The following GTPBP8 variants were observed in gnomAD, a reference collection of about 807,000 sequenced individuals.
GTPBP8 encodes GTP binding protein 8, also known as GTP-binding protein 8.
GTPBP8 carries 21 observed loss-of-function variants against 27.3 expected under a neutral mutation model. The observed-to-expected ratio is 0.77, with a 90% confidence interval of 0.55 to 1.11. GTPBP8 has a LOEUF of 1.11. Ranked by LOEUF, GTPBP8 falls within the 50% of genes least tolerant of loss-of-function variation. The probability of loss-of-function intolerance (pLI) is 0.00; values close to 1 mark genes in which losing one functional copy is unlikely to be tolerated. For missense variants in GTPBP8, 380 were observed against 350.8 expected (o/e 1.08, Z -0.67); for synonymous variants, 147 against 135.3 (o/e 1.09, Z -0.60).
rs971473511 is a variant in GTPBP8 at position 113,001,075 on chromosome 3, C to T, written c.*156C>T. The T allele has an allele frequency of 1.8e-5, 10 of 557,560 alleles. No homozygotes were observed. The Admixed American group carries it at 3.4e-4, about 19-fold the overall frequency. 34.5% of individuals were successfully genotyped at this position (557,560 alleles called of 1,614,324 possible). A position where few individuals can be genotyped will look rare whatever the true frequency, so the allele number is the denominator to read the frequency against. ...CTTTAAAACCTGTGCCTTCTCGAAACAAGAATTTGTGCCTGAGGTGAAAAA... is the reference window on the plus strand; with the variant it reads ...CTTTAAAACCTGTGCCTTCTCGAAATAAGAATTTGTGCCTGAGGTGAAAAA... On this transcript the variant is annotated 3_prime_UTR_variant, in exon 6 of 6. Coordinates refer to ENST00000383678, the MANE Select transcript of GTPBP8 (RefSeq NM_014170.4).
chr3:112,994,809 T>C (rs1933753110), intron 2 of GTPBP8, among the ~76,000 whole-genome samples: 3 of 152,220 alleles, frequency 2.0e-5, no homozygotes. Context: ...AGTCACAATT[T>C]AGAACAGGGT....
intron 3 of GTPBP8, among the ~76,000 whole-genome samples, chr3:112,996,338 T>C (rs1190171001): frequency 6.6e-6 from 1 of 151,720 alleles, no homozygotes; most frequent in Non-Finnish European, 1.5e-5. Flanking sequence ...TGGTGGCACA[T>C]GCCTGTAATC....
intron 1 of GTPBP8, chr3:112,992,684 T>C (rs1436836927): frequency 1.1e-5 from 2 of 181,932 alleles, no homozygotes; most frequent in East Asian, 2.8e-4. Context: ...AAATATGAAA[T>C]GCTTAATAAA....
intron 4 of GTPBP8, among the ~76,000 whole-genome samples, chr3:112,997,742 T>C (rs1242799417): frequency 6.6e-6 from 1 of 152,208 alleles, no homozygotes; most frequent in African/African-American, 2.4e-5. Flanking sequence ...CTTGGGGTCT[T>C]GGAATTCTTG....
intron 1 of GTPBP8, 94 bp downstream of exon 1, chr3:112,991,429 A>G (rs1933677127): frequency 1.8e-6 from 2 of 1,106,412 alleles, no homozygotes; most frequent in East Asian, 2.5e-5. Context: ...TTGCGGTTGT[A>G]TTTTCTAGCT....
rs34779191 is a variant in GTPBP8, at chr3:113,000,944, C to CAAAA, written c.*38_*41dup. The stretch of plus-strand genomic sequence containing the variant: ...ATGGTTCCCGGTTTAGCTGAAGATT[C>CAAAA]AAAAAAAAAAAAAAAAGCTTTATGC... On this transcript the variant is annotated 3_prime_UTR_variant, in exon 6 of 6. Coordinates refer to ENST00000383678, the MANE Select transcript of GTPBP8 (RefSeq NM_014170.4). 4.9e-6 allele frequency: 4 copies of CAAAA among 817,534 alleles called. No individual in the cohort carries two copies. Among genetic ancestry groups the CAAAA allele is most frequent in the Admixed American group, 3.0e-5 (1 of 33,152 alleles). The allele number at this position is 817,534 out of a possible 1,614,324, so 50.6% of individuals were successfully genotyped here.
intron 3 of GTPBP8, among the ~76,000 whole-genome samples, chr3:112,996,095 T>C (rs1933780655): frequency 6.6e-6 from 1 of 152,188 alleles, no homozygotes; most frequent in Admixed American, 6.5e-5. Context: ...TAAAATCAAA[T>C]ATTTACATAA....
chr3:112,998,769 C>T (rs545067109), intron 4 of GTPBP8, among the ~76,000 whole-genome samples: 6 of 152,204 alleles, frequency 3.9e-5, no homozygotes, highest in African/African-American at 1.4e-4. Context: ...GGACATAAAC[C>T]AATATATGTA....
chr3:112,993,853 C>G (rs990081368), intron 2 of GTPBP8, among the ~76,000 whole-genome samples: 2 of 152,158 alleles, frequency 1.3e-5, no homozygotes, highest in African/African-American at 2.4e-5. Flanking sequence ...CTGGCTCCAT[C>G]GCTAATGATT....
chr3:112,998,917 AC>A (rs1386780472), intron 4 of GTPBP8, among the ~76,000 whole-genome samples: 1 of 152,202 alleles, frequency 6.6e-6, no homozygotes, highest in East Asian at 1.9e-4. Flanking sequence ...TGTAATAATC[AC>A]CCATACTTTG....
At chr3:112,999,626 T>G in intron 5 of GTPBP8, 62 bp downstream of exon 5, 1 of 699,228 alleles carries the variant, frequency 1.4e-6, no homozygotes, top group Non-Finnish European at 2.5e-6. Flanking sequence ...TGTTGTGGGT[T>G]TTTTTTTTAT....
At chr3:112,998,722 G>GT (rs1315369814) in intron 4 of GTPBP8, among the ~76,000 whole-genome samples, 7 of 152,192 alleles carry the variant, frequency 4.6e-5, no homozygotes, top group East Asian at 1.9e-4. Context: ...ACAAATGATC[G>GT]TAACAAGGGC....
rs1170450677 is a variant in GTPBP8 at position 112,995,135 on chromosome 3, G to T, written c.436G>T (p.Gly146Ter). The T allele has an allele frequency of 6.3e-7, 1 of 1,588,826 alleles. No individual in the cohort carries two copies. Among genetic ancestry groups the T allele is most frequent in the African/African-American group, 1.4e-5 (1 of 73,752 alleles). ...TTTCTTTTTCTATTTACTTTATCAG[G>T]GACACACAAAGAAAATGAATTTTTT... Reference protein sequence around the residue: ...EVEVRVSKKPGHTKKMNFFKV... With the variant: ...EVEVRVSKKP Residue 146 changes from glycine to a stop codon, truncating the protein, a stop_gained and splice_region_variant, in exon 3 of 6, where the codon GGA (glycine) becomes TGA (stop). Transcript: ENST00000383678. LOFTEE classifies it high-confidence loss of function.
chr3:112,998,573 AC>A (rs1168577939), intron 4 of GTPBP8, among the ~76,000 whole-genome samples: 1 of 151,936 alleles, frequency 6.6e-6, no homozygotes, highest in Non-Finnish European at 1.5e-5. Flanking sequence ...ATGAGGTGGG[AC>A]CCTCTCTGGA....
chr3:112,999,405 AC>A, intron 4 of GTPBP8, 40 bp from the exon 5 acceptor site: 1 of 673,280 alleles, frequency 1.5e-6, no homozygotes. Flanking sequence ...ATTATTAAGA[AC>A]CACTTTATTT....
At chr3:112,997,733 T>G (rs772272669) in intron 4 of GTPBP8, among the ~76,000 whole-genome samples, 7 of 152,218 alleles carry the variant, frequency 4.6e-5, no homozygotes, top group Non-Finnish European at 1.0e-4. Flanking sequence ...TGTTTTATTC[T>G]TGGGGTCTTG....
intron 4 of GTPBP8, among the ~76,000 whole-genome samples, chr3:112,998,575 C>G (rs1399869434): frequency 3.3e-5 from 5 of 151,850 alleles, no homozygotes; most frequent in East Asian, 3.9e-4. Context: ...GAGGTGGGAC[C>G]CTCTCTGGAA....
intron 2 of GTPBP8, among the ~76,000 whole-genome samples, chr3:112,994,422 T>A (rs1455715239): frequency 7.3e-5 from 10 of 137,272 alleles, no homozygotes; most frequent in African/African-American, 2.6e-4. Context: ...AAACTCTGTC[T>A]CAAAAAAAAA....
rs775506761 is a variant in GTPBP8, at chr3:112,991,257, G to T, written c.258G>T (p.Thr86=). ...EDIARADNIF[T]ATERNRIDYV... is the part of the protein sequence containing the mutation. ...TAGCCAGGGCGGACAACATCTTCAC[G>T]GCCACTGAACGGAACCGCATCGACT... The change falls in exon 1 of 6, where the codon ACG becomes ACT. Residue 86 remains threonine, a synonymous_variant. Transcript: ENST00000383678. The T allele has an allele frequency of 6.2e-7, 1 of 1,613,952 alleles. No individual in the cohort carries two copies. Among genetic ancestry groups the T allele is most frequent in the Non-Finnish European group, 8.5e-7 (1 of 1,180,034 alleles).
Sources: allele counts gnomAD v4.1 joint callset (sites outside exome capture counted in the v4.1 genomes callset), GRCh38; gene constraint gnomAD v4.1.1; transcripts MANE v1.5; gene names NCBI Gene and HGNC (gene_info 2026-07-23, HGNC 2026-07-21).